The following HTRA1 variants were observed in gnomAD, a reference collection of about 807,000 sequenced individuals.
The protein encoded by HTRA1 is HtrA serine peptidase 1.
In HTRA1, 26 loss-of-function variants were observed where a neutral mutation model predicts 49.7. That is an observed-to-expected ratio of 0.52 (90% confidence interval 0.38 to 0.73). The LOEUF is 0.73. HTRA1 is among the 30% of genes least tolerant of loss of function. The pLI is 0.00. For missense variants in HTRA1, 561 were observed against 667.2 expected (o/e 0.84, Z 1.75); for synonymous variants, 291 against 286.9 (o/e 1.01, Z -0.14).
At chr10:122,473,208 G>A (rs1022382706) in intron 1 of HTRA1, among the ~76,000 whole-genome samples, 8 of 152,202 alleles carry the variant, frequency 5.3e-5, no homozygotes, top group African/African-American at 1.4e-4. Context: ...ATCACAGACA[G>A]TCTCACCTGG....
chr10:122,508,246 C>T (rs1331672698), intron 5 of HTRA1, among the ~76,000 whole-genome samples: 1 of 152,206 alleles, frequency 6.6e-6, no homozygotes, highest in Non-Finnish European at 1.5e-5. Flanking sequence ...CAGCCCTAAG[C>T]TCTAGGGTTG....
chr10:122,479,894 C>T (rs1195472294), intron 1 of HTRA1, among the ~76,000 whole-genome samples: 3 of 152,020 alleles, frequency 2.0e-5, no homozygotes, highest in African/African-American at 7.2e-5. Context: ...CCTGAATTAG[C>T]GTAGAGTGGG....
chr10:122,477,174 A>T (rs542566487), intron 1 of HTRA1, among the ~76,000 whole-genome samples: 1 of 151,906 alleles, frequency 6.6e-6, no homozygotes, highest in Non-Finnish European at 1.5e-5. Context: ...TCACTGTGTT[A>T]GCCAGGACGG....
rs2133453312 is a variant in HTRA1 at position 122,512,040 on chromosome 10, G to A, written c.1249G>A (p.Val417Ile). Reference protein sequence around the residue: ...DVISGAYIIEVIPDTPAEAGG... With the variant: ...DVISGAYIIEIIPDTPAEAGG... ...GATCTCAGGAGCGTATATAATTGAA[G>A]TAATTCCTGATACCCCAGCAGAAGC... The change falls in exon 8 of 9, where the codon GTA (valine) becomes ATA (isoleucine). Residue 417 changes from valine to isoleucine, a missense_variant. Transcript: ENST00000368984. 2 of 1,613,178 alleles carry A rather than the reference G, an allele frequency of 1.2e-6. No individual in the cohort carries two copies. Among genetic ancestry groups the A allele is most frequent in the Non-Finnish European group, 1.7e-6 (2 of 1,179,152 alleles).
At position 122,514,504 on chromosome 10, in the gene HTRA1, CCTT is replaced by C; in HGVS notation, c.*149_*151del. ...GTGGAGACTCCCTGGCCAACAGAAT[CCTT>C]CTTGATAGTTTGCAGGCAAAACAAA... On this transcript the variant is annotated 3_prime_UTR_variant, in exon 9 of 9. Transcript: ENST00000368984. 2 of 767,638 alleles carry C rather than the reference CCTT, an allele frequency of 2.6e-6. No homozygotes were observed. Among genetic ancestry groups the C allele is most frequent in the Middle Eastern group, 3.6e-4 (1 of 2,754 alleles). The allele number at this position is 767,638 out of a possible 1,614,324, so 47.6% of individuals were successfully genotyped here. A position where few individuals can be genotyped will look rare whatever the true frequency, so the allele number is the denominator to read the frequency against.
chr10:122,474,171 G>C (rs2097487405), intron 1 of HTRA1, among the ~76,000 whole-genome samples: 1 of 152,182 alleles, frequency 6.6e-6, no homozygotes, highest in Admixed American at 6.5e-5. Context: ...AGATTTATTA[G>C]ATCATAGAAC....
rs762018158 is a variant in HTRA1 at position 122,506,841 on chromosome 10, C to G, written c.928C>G (p.Arg310Gly). ...GCGAGGCGGCAAAGAGCTGGGGCTC[C>G]GCAACTCAGACATGGACTACATCCA... ...TQRGGKELGL[R>G]NSDMDYIQTD... Residue 310 changes from arginine to glycine, a missense_variant, in exon 4 of 9, where the codon CGC (arginine) becomes GGC (glycine). Physicochemically the swap from Arg to Gly is moderately radical, Grantham distance 125. Transcript: ENST00000368984. This position sits in a 1 kb window ranked among gnomAD's most constrained non-coding sequence, Gnocchi z 5.2. The G allele has an allele frequency of 6.2e-7, 1 of 1,613,766 alleles. No homozygotes were observed. Among genetic ancestry groups the G allele is most frequent in the Non-Finnish European group, 8.5e-7 (1 of 1,180,022 alleles).
At chr10:122,496,225 G>GTTTTTT (rs1287521208) in intron 3 of HTRA1, among the ~76,000 whole-genome samples, 2,394 of 80,374 alleles carry the variant, frequency 0.03, 882 homozygotes, top group Middle Eastern at 0.033. Context: ...GAGATTGTGG[G>GTTTTTT]TTCTTTTTTT....
chr10:122,498,273 C>G (rs554245157), intron 3 of HTRA1, among the ~76,000 whole-genome samples: 1 of 152,238 alleles, frequency 6.6e-6, no homozygotes, highest in South Asian at 2.1e-4. Context: ...CCTGTCCATT[C>G]TACCTTCTCT....
At chr10:122,479,694 G>A (rs2097490148) in intron 1 of HTRA1, among the ~76,000 whole-genome samples, 1 of 152,136 alleles carries the variant, frequency 6.6e-6, no homozygotes, top group African/African-American at 2.4e-5. Flanking sequence ...TGTGGGGAGA[G>A]GTCTGCAGGG....
chr10:122,512,329 G>A (rs557908003), intron 8 of HTRA1, among the ~76,000 whole-genome samples: 2 of 152,242 alleles, frequency 1.3e-5, no homozygotes, highest in Non-Finnish European at 2.9e-5. Context: ...TAGCAGACTC[G>A]TAATGAGTCT....
chr10:122,462,508 C>A (rs938895523), intron 1 of HTRA1, among the ~76,000 whole-genome samples: 3 of 152,282 alleles, frequency 2.0e-5, no homozygotes, highest in Non-Finnish European at 4.4e-5. Context: ...CCTCGCAGAG[C>A]GGCTTCAGGA....
intron 3 of HTRA1, among the ~76,000 whole-genome samples, chr10:122,496,228 C>CTTTTTTTTTTTTTTT (rs71026021): frequency 1.3e-5 from 1 of 75,644 alleles, no homozygotes; most frequent in African/African-American, 5.4e-5. Context: ...ATTGTGGGTT[C>CTTTTTTTTTTTTTTT]TTTTTTTTTT....
At chr10:122,492,675 G>T (rs1013900552) in intron 3 of HTRA1, among the ~76,000 whole-genome samples, 1 of 152,180 alleles carries the variant, frequency 6.6e-6, no homozygotes, top group Non-Finnish European at 1.5e-5. Flanking sequence ...AATAAGAATT[G>T]CCACGGACAT....
chr10:122,472,369 CTATTATTATTATTATTAT>C (rs56115456), intron 1 of HTRA1, among the ~76,000 whole-genome samples: 90 of 141,822 alleles, frequency 6.3e-4, no homozygotes, highest in East Asian at 2.8e-3. Context: ...TTCTTTATTA[CTATTATTATTATTATTAT>C]TATTATTATT....
chr10:122,468,981 A>G (rs892643491), intron 1 of HTRA1, among the ~76,000 whole-genome samples: 1 of 152,208 alleles, frequency 6.6e-6, no homozygotes, highest in African/African-American at 2.4e-5. Flanking sequence ...ACGTTTCATA[A>G]AAACAATCCT....
intron 3 of HTRA1, among the ~76,000 whole-genome samples, chr10:122,501,173 G>A (rs374587631): frequency 1.3e-5 from 2 of 152,184 alleles, no homozygotes; most frequent in African/African-American, 2.4e-5. Flanking sequence ...AGGGTGGTGG[G>A]TCGTGAAGGC....
chr10:122,480,065 A>G (rs2097490299), intron 1 of HTRA1, among the ~76,000 whole-genome samples: 5 of 152,270 alleles, frequency 3.3e-5, no homozygotes, highest in Admixed American at 3.3e-4. Context: ...TTTATGTGCA[A>G]TCTCACCTAG....
Position 122,507,352 on chromosome 10 carries a change from AT to A in HTRA1, c.973-15del. 3.7e-6 allele frequency: 6 copies of A among 1,608,196 alleles called. No homozygotes were observed. Among genetic ancestry groups the A allele is most frequent in the Non-Finnish European group, 5.1e-6 (6 of 1,174,650 alleles). On this transcript the variant is annotated splice_polypyrimidine_tract_variant and intron_variant, in intron 4 of 8. Coordinates refer to ENST00000368984, the MANE Select transcript of HTRA1 (RefSeq NM_002775.5). ...TTATGACACGATTTGTAACCTTTTC[AT>A]TTCTGTTTAATTGCAGTATGGAAAC...
Sources: allele counts gnomAD v4.1 joint callset (sites outside exome capture counted in the v4.1 genomes callset), GRCh38; gene constraint gnomAD v4.1.1; non-coding constraint Gnocchi (gnomAD v3.1); transcripts MANE v1.5; gene names NCBI Gene and HGNC (gene_info 2026-07-23, HGNC 2026-07-21).